MAD2L2: variants seen among roughly 807,000 people sequenced by gnomAD.
The protein encoded by MAD2L2 is mitotic spindle assembly checkpoint protein MAD2B.
MAD2L2 carries 17 observed loss-of-function variants against 30.5 expected under a neutral mutation model. That is an observed-to-expected ratio of 0.56 (90% CI 0.38 to 0.84). The LOEUF (loss-of-function observed/expected upper bound fraction) is 0.84, where lower values mean the gene tolerates loss of function less well. Among genes scored for constraint, MAD2L2 ranks in the 40% least tolerant of loss-of-function variants. The probability of loss-of-function intolerance (pLI) is 0.00; values close to 1 mark genes in which losing one functional copy is unlikely to be tolerated. For missense variants in MAD2L2, 213 were observed against 277.4 expected (o/e 0.77, Z 1.65); for synonymous variants, 101 against 113.9 (o/e 0.89, Z 0.72).
At chr1:11,683,745 G>T (rs1320214989), upstream of MAD2L2, among the ~76,000 whole-genome samples, 1 of 152,190 alleles carries the variant, frequency 6.6e-6, no homozygotes, top group South Asian at 2.1e-4. Flanking sequence ...GCTGAGGCTG[G>T]TGGATCACCT....
At chr1:11,681,512 C>T (rs1640880351), upstream of MAD2L2, 1 of 152,360 alleles carries the variant, frequency 6.6e-6, no homozygotes, top group South Asian at 2.1e-4. Flanking sequence ...GTCACCATCC[C>T]TGCAGCTGCC....
At position 11,675,835 on chromosome 1, in the gene MAD2L2, G is replaced by C. The variant is rs368583657; in HGVS notation, c.428-104C>G. ...TTGCTGGCTCAGCAGCACCCCCAGA[G>C]CAGATGGCAAAGCAAGTGCTAAGAA... is the stretch of plus-strand genomic sequence containing the variant. On this transcript the variant is annotated intron_variant, in intron 6 of 8. Transcript: ENST00000376692. 1.2e-5 allele frequency: 12 copies of C among 1,040,984 alleles called. No individual in the cohort carries two copies. In the African/African-American group the frequency reaches 1.4e-4, roughly 12 times the overall value. 64.5% of individuals were successfully genotyped at this position (1,040,984 alleles called of 1,614,324 possible).
At chr1:11,682,356 G>A (rs1369614070), upstream of MAD2L2, among the ~76,000 whole-genome samples, 3 of 152,182 alleles carry the variant, frequency 2.0e-5, no homozygotes, top group African/African-American at 4.8e-5. Context: ...CTCCAGGGAC[G>A]TAAGAGCTTG....
chr1:11,683,363 G>C (rs1640907492), upstream of MAD2L2, among the ~76,000 whole-genome samples: 1 of 152,210 alleles, frequency 6.6e-6, no homozygotes, highest in East Asian at 1.9e-4. Flanking sequence ...GGTCCCAACA[G>C]CTCTTGACAC....
Position 11,690,709 on chromosome 1 carries a change from T to C in MAD2L2, c.-692+704A>G, listed in dbSNP as rs1243874921. Among the ~76,000 whole-genome samples the C allele has an allele frequency of 1.3e-5, 2 of 152,254 alleles. No individual in the cohort carries two copies. Among genetic ancestry groups the C allele is most frequent in the African/African-American group, 4.8e-5 (2 of 41,560 alleles). On this transcript the variant is annotated intron_variant, in intron 1 of 10. Coordinates refer to the MAD2L2 transcript ENST00000235310. This position sits in a 1 kb window ranked among gnomAD's most constrained non-coding sequence, Gnocchi z 4.2. Reference sequence around the variant, plus strand: ...ATGGGAGTCCGGCCCCATCGCTCTTTGATCTTTGCAGCGTCCGTGGCCCCA... The same window carrying C: ...ATGGGAGTCCGGCCCCATCGCTCTTCGATCTTTGCAGCGTCCGTGGCCCCA...
At chr1:11,675,812 G>T in intron 6 of MAD2L2, 81 bp from the exon 7 acceptor site, 1 of 1,232,878 alleles carries the variant, frequency 8.1e-7, no homozygotes, top group Non-Finnish European at 1.2e-6. Flanking sequence ...CACTTCCCTT[G>T]CTGGCTCAGC....
In MAD2L2 at chr1:11,674,722, G is replaced by A; in HGVS notation, c.*53C>T. 1 of 1,590,676 alleles carries A rather than the reference G, an allele frequency of 6.3e-7. No individual in the cohort carries two copies. ...CAGCCATGCAGCACTGCCCTAGGCG[G>A]GGATCCCCCAAAGTCTGACAGTTTG... On this transcript the variant is annotated 3_prime_UTR_variant, in exon 9 of 9. Transcript: ENST00000376692. The surrounding 1 kb of genome is among the most constrained non-coding windows in gnomAD (Gnocchi z 6.1).
chr1:11,677,128 A>T, intron 4 of MAD2L2, 180 bp from the exon 5 acceptor site: 1 of 648,054 alleles, frequency 1.5e-6, no homozygotes, highest in South Asian at 1.7e-5. Flanking sequence ...ACCCTCCAGC[A>T]TGAGTGGTGT....
chr1:11,680,710 A>C (rs1640859606), intron 1 of MAD2L2, 97 bp from the exon 2 acceptor site: 2 of 1,473,910 alleles, frequency 1.4e-6, no homozygotes, highest in Non-Finnish European at 1.8e-6. Flanking sequence ...AGTCTGTGGG[A>C]ACTGGGGAAG....
chr1:11,675,167 G>A lies in MAD2L2; in HGVS notation c.509C>T (p.Pro170Leu). Residue 170 changes from proline to leucine, a missense_variant, in exon 8 of 9, where the codon CCC becomes CTC. Pro to Leu is a moderately conservative substitution (Grantham distance 98). Transcript: ENST00000376692. Reference protein sequence around the residue: ...MEKIQVIKDFPWILADEQDVH... With the variant: ...MEKIQVIKDFLWILADEQDVH... ...ATCCTGCTCATCCGCCAGGATCCAG[G>A]GGAAATCCTAGGGAGGAGACAAAGG... 6.3e-7 allele frequency: 1 copy of A among 1,596,326 alleles called. No homozygotes were observed. Among genetic ancestry groups the A allele is most frequent in the Non-Finnish European group, 8.5e-7 (1 of 1,170,492 alleles).
chr1:11,686,807 T>TAAAAAAAAAAAAAAAAAAAAAAA (rs560855200), intron 1 of MAD2L2, among the ~76,000 whole-genome samples: 1 of 104,484 alleles, frequency 9.6e-6, no homozygotes, highest in South Asian at 3.7e-4. Context: ...ACTGCCACTT[T>TAAAAAAAAAAAAAAAAAAAAAAA]AAAAAAAAAA....
Position 11,675,659 on chromosome 1 carries a change from T to A in MAD2L2, c.500A>T (p.Lys167Met). Residue 167 changes from lysine (K) to methionine (M), a missense_variant and splice_region_variant, in exon 7 of 9, where the codon AAG (lysine) becomes ATG (methionine). By Grantham distance (95) the Lys-to-Met change is moderately conservative. Transcript: ENST00000376692. ...AGACCCAGACCCATCTCATCTCACCTTGATGACCTGGATCTTCTCCATGTT... is the reference window on the plus strand; with the variant it reads ...AGACCCAGACCCATCTCATCTCACCATGATGACCTGGATCTTCTCCATGTT... ...TRNMEKIQVI[K>M]DFPWILADEQ... is the part of the protein sequence containing the mutation. 6.2e-7 allele frequency: 1 copy of A among 1,613,924 alleles called. No individual in the cohort carries two copies. The highest frequency in any genetic ancestry group is 8.5e-7 in the Non-Finnish European group (1 of 1,179,826).
chr1:11,675,938 T>G, intron 6 of MAD2L2, 108 bp downstream of exon 6: 1 of 995,928 alleles, frequency 1.0e-6, no homozygotes, highest in Non-Finnish European at 1.6e-6. Flanking sequence ...ACTCTCAGGG[T>G]TAGGAAGAGA....
intron 7 of MAD2L2, among the ~76,000 whole-genome samples, 158 bp from the exon 8 acceptor site, chr1:11,675,332 C>G (rs1640743366): frequency 6.6e-6 from 1 of 152,336 alleles, no homozygotes; most frequent in East Asian, 1.9e-4. Context: ...CCCCATCCCC[C>G]ACAGAGGCCA....
chr1:11,678,034 G>A (rs1379980016), intron 3 of MAD2L2, among the ~76,000 whole-genome samples: 4 of 139,336 alleles, frequency 2.9e-5, no homozygotes, highest in Non-Finnish European at 6.0e-5. Context: ...TGCAACATGG[G>A]CAACAGAGCG....
In MAD2L2 at chr1:11,687,364, C is replaced by T. The variant is rs564962409; in HGVS notation, c.-692+4049G>A. 1.7e-3 allele frequency among the ~76,000 whole-genome samples: 261 copies of T among 152,308 alleles called. 1 individual carries two copies. The highest frequency in any genetic ancestry group is 3.2e-3 in the Non-Finnish European group (219 of 68,022). ...AAGCGATTCTCCTGCCTCAGCCTCC[C>T]GAGTAGCTGGGACTACAGGCGACCT... On this transcript the variant is annotated intron_variant, in intron 1 of 10. Coordinates refer to the MAD2L2 transcript ENST00000235310. This position sits in a 1 kb window ranked among gnomAD's most constrained non-coding sequence, Gnocchi z 4.1.
intron 7 of MAD2L2, 54 bp downstream of exon 7, chr1:11,675,604 T>G: frequency 3.2e-6 from 5 of 1,567,210 alleles, no homozygotes. Flanking sequence ...CGCCTGGAAC[T>G]GCGACATCAC....
Position 11,674,964 on chromosome 1 carries a change from C to T in MAD2L2, c.594+118G>A, listed in dbSNP as rs1640731700. On this transcript the variant is annotated intron_variant, in intron 8 of 8. Coordinates refer to ENST00000376692, the MANE Select transcript of MAD2L2 (RefSeq NM_006341.4). The surrounding 1 kb of genome is among the most constrained non-coding windows in gnomAD (Gnocchi z 6.1). Reference sequence around the variant, plus strand: ...TGGAGAAGAGTAGAGATGGGAGGAGCCCTCCACCAGGCACTCCCCCGTTCT... The same window carrying T: ...TGGAGAAGAGTAGAGATGGGAGGAGTCCTCCACCAGGCACTCCCCCGTTCT... 1 of 1,261,532 alleles carries T rather than the reference C, an allele frequency of 7.9e-7. No homozygotes were observed. The highest frequency in any genetic ancestry group is 1.1e-6 in the Non-Finnish European group (1 of 882,632). The allele number at this position is 1,261,532 out of a possible 1,614,324, so 78.1% of individuals were successfully genotyped here. A position where few individuals can be genotyped will look rare whatever the true frequency, so the allele number is the denominator to read the frequency against.
rs376297872 is a variant in MAD2L2 at position 11,675,511 on chromosome 1, G to A, written c.501+147C>T. Reference sequence around the variant, plus strand: ...CTGCCCCAAGTGCCCAGATGGAGCAGTGGACAGGCCTGAGGACCTGCTGGG... The same window carrying A: ...CTGCCCCAAGTGCCCAGATGGAGCAATGGACAGGCCTGAGGACCTGCTGGG... On this transcript the variant is annotated intron_variant, in intron 7 of 8. Coordinates refer to ENST00000376692, the MANE Select transcript of MAD2L2 (RefSeq NM_006341.4). 65 of 792,560 alleles carry A rather than the reference G, an allele frequency of 8.2e-5. No individual in the cohort carries two copies. In the East Asian group the frequency reaches 1.2e-3, roughly 15 times the overall value. 49.1% of individuals were successfully genotyped at this position (792,560 alleles called of 1,614,324 possible). A position where few individuals can be genotyped will look rare whatever the true frequency, so the allele number is the denominator to read the frequency against.
Sources: gnomAD v4.1 joint callset for allele counts (sites outside exome capture counted in the v4.1 genomes callset) on GRCh38, gnomAD v4.1.1 for gene constraint, Gnocchi (gnomAD v3.1) non-coding constraint, MANE v1.5 for transcripts, NCBI Gene and HGNC (gene_info 2026-07-23, HGNC 2026-07-21) for gene names.